STON2: variants seen among roughly 807,000 people sequenced by gnomAD.
STON2 encodes stonin-2.
A neutral mutation model predicts 65.7 loss-of-function variants in STON2; 29 were observed. That is an observed-to-expected ratio of 0.44 (90% confidence interval 0.33 to 0.60). STON2 has a LOEUF of 0.60. Ranked by LOEUF, STON2 falls within the 20% of genes least tolerant of loss-of-function variation. The pLI, the probability that STON2 is intolerant of heterozygous loss-of-function variation, is 0.03. For synonymous variants in STON2, 404 were observed against 414.2 expected (o/e 0.98, Z 0.30); for missense variants, 1,054 against 1,118.1 (o/e 0.94, Z 0.82).
At chr14:81,287,503 G>A (rs1895382086) in intron 5 of STON2, among the ~76,000 whole-genome samples, 2 of 152,134 alleles carry the variant, frequency 1.3e-5, no homozygotes, top group Admixed American at 6.5e-5. Flanking sequence ...GACCTATGAA[G>A]CAGTACTGCG....
chr14:81,284,708 GGAA>G (rs1895265658), intron 5 of STON2, among the ~76,000 whole-genome samples: 2 of 152,164 alleles, frequency 1.3e-5, no homozygotes, highest in South Asian at 4.2e-4. Flanking sequence ...GCCTTTTACT[GGAA>G]GAAGATGCCA....
intron 3 of STON2, among the ~76,000 whole-genome samples, chr14:81,392,452 G>A (rs763096340): frequency 6.6e-6 from 1 of 152,066 alleles, no homozygotes; most frequent in Non-Finnish European, 1.5e-5. Flanking sequence ...AACCATCTGT[G>A]AGCCTGAATT....
rs1894353678 is a variant in STON2 at position 81,266,233 on chromosome 14, T to A, written c.*2181A>T. ...AGGTGGTTATTTTAACTGTTGGGCA[T>A]TCACAGGAACAGGAAATCTTACTAA... On this transcript the variant is annotated 3_prime_UTR_variant, in exon 8 of 8. Transcript: ENST00000614646. 5.6e-6 allele frequency: 2 copies of A among 358,644 alleles called. No individual in the cohort carries two copies. Among genetic ancestry groups the A allele is most frequent in the South Asian group, 1.1e-4 (1 of 8,744 alleles). The allele number at this position is 358,644 out of a possible 1,614,324, so 22.2% of individuals were successfully genotyped here.
At chr14:81,420,315 C>G (rs990319728) in intron 2 of STON2, among the ~76,000 whole-genome samples, 1 of 152,122 alleles carries the variant, frequency 6.6e-6, no homozygotes, top group African/African-American at 2.4e-5. Context: ...ATGTCACATG[C>G]GTAGAATATA....
chr14:81,289,081 C>T (rs74542438), intron 5 of STON2, among the ~76,000 whole-genome samples: 25 of 152,160 alleles, frequency 1.6e-4, no homozygotes, highest in Admixed American at 1.1e-3. Context: ...CCAGCAACAA[C>T]GCAGGATGCT....
At chr14:81,394,545 C>A (rs1900224654) in intron 3 of STON2, among the ~76,000 whole-genome samples, 1 of 152,048 alleles carries the variant, frequency 6.6e-6, no homozygotes, top group Non-Finnish European at 1.5e-5. Flanking sequence ...ATGTTAAGGA[C>A]CTTGAGATGG....
chr14:81,391,497 G>A (rs1312250103), intron 3 of STON2, among the ~76,000 whole-genome samples: 1 of 152,196 alleles, frequency 6.6e-6, no homozygotes, highest in Non-Finnish European at 1.5e-5. Context: ...CCTTAGCTCT[G>A]CCAATTACTC....
At chr14:81,359,827 T>C (rs993488353) in intron 4 of STON2, among the ~76,000 whole-genome samples, 4 of 151,894 alleles carry the variant, frequency 2.6e-5, no homozygotes, top group Non-Finnish European at 5.9e-5. Context: ...AAATAGAAAA[T>C]CTGAGCAAAC....
At chr14:81,350,488 A>G (rs1274546415) in intron 4 of STON2, among the ~76,000 whole-genome samples, 2 of 151,900 alleles carry the variant, frequency 1.3e-5, no homozygotes, top group Non-Finnish European at 2.9e-5. Context: ...AGAAGAAAAA[A>G]AAAAAAACTT....
chr14:81,433,156 G>C (rs185815049), intron 1 of STON2, among the ~76,000 whole-genome samples: 1 of 152,318 alleles, frequency 6.6e-6, no homozygotes, highest in Non-Finnish European at 1.5e-5. Flanking sequence ...TTCAAGATGA[G>C]AGAGCACGTG....
chr14:81,341,123 TA>T (rs1247092251), intron 4 of STON2, among the ~76,000 whole-genome samples: 2 of 152,160 alleles, frequency 1.3e-5, no homozygotes, highest in Admixed American at 1.3e-4. Context: ...AAACAGACGT[TA>T]CTTTTCACAT....
intron 4 of STON2, among the ~76,000 whole-genome samples, chr14:81,354,512 C>T (rs1898145681): frequency 6.6e-6 from 1 of 152,046 alleles, no homozygotes; most frequent in Non-Finnish European, 1.5e-5. Flanking sequence ...AAAGCTCCAA[C>T]GATGGGCCCA....
At chr14:81,319,882 G>GTTTAT (rs1260108781) in intron 5 of STON2, among the ~76,000 whole-genome samples, 2 of 152,162 alleles carry the variant, frequency 1.3e-5, no homozygotes, top group African/African-American at 4.8e-5. Context: ...TGAACTAAGG[G>GTTTAT]TTTATAATGA....
intron 2 of STON2, among the ~76,000 whole-genome samples, chr14:81,397,116 G>A (rs530820376): frequency 1.3e-5 from 2 of 152,244 alleles, no homozygotes; most frequent in South Asian, 2.1e-4. Flanking sequence ...ATACACAAAT[G>A]TATACATGTG....
intron 4 of STON2, among the ~76,000 whole-genome samples, chr14:81,353,833 G>A (rs1898117075): frequency 6.6e-6 from 1 of 152,092 alleles, no homozygotes; most frequent in Admixed American, 6.5e-5. Flanking sequence ...TGTAGACCTT[G>A]GTGGTAGCTC....
intron 4 of STON2, among the ~76,000 whole-genome samples, chr14:81,354,193 C>A (rs539856104): frequency 6.6e-6 from 1 of 152,342 alleles, no homozygotes; most frequent in African/African-American, 2.4e-5. Flanking sequence ...GTCCATCCAA[C>A]AGCTCAGCCT....
chr14:81,306,220 CTT>C (rs59730707), intron 5 of STON2, among the ~76,000 whole-genome samples: 5,719 of 69,410 alleles, frequency 0.082, 657 homozygotes, highest in East Asian at 0.14. Context: ...CATACATACT[CTT>C]TTTTTTTTTT....
chr14:81,359,681 G>A (rs1347009161), intron 4 of STON2, among the ~76,000 whole-genome samples: 1 of 151,746 alleles, frequency 6.6e-6, no homozygotes, highest in Non-Finnish European at 1.5e-5. Flanking sequence ...AAATGAAAGG[G>A]GAGACATTAC....
chr14:81,376,649 C>T (rs999086298), intron 3 of STON2, among the ~76,000 whole-genome samples: 1 of 152,166 alleles, frequency 6.6e-6, no homozygotes, highest in African/African-American at 2.4e-5. Flanking sequence ...TAAGGTTAGA[C>T]ACCAAAACCT....
Sources: allele counts gnomAD v4.1 joint callset (sites outside exome capture counted in the v4.1 genomes callset), GRCh38; gene constraint gnomAD v4.1.1; transcripts MANE v1.5; gene names NCBI Gene and HGNC (gene_info 2026-07-23, HGNC 2026-07-21).